PDE10A: variants seen among roughly 807,000 people sequenced by gnomAD.
PDE10A encodes the protein phosphodiesterase 10A, also known as cAMP and cAMP-inhibited cGMP 3',5'-cyclic phosphodiesterase 10A.
Under a neutral mutation model 97.7 loss-of-function variants are expected in PDE10A, and 39 were observed. The ratio of observed to expected loss-of-function variants is 0.40; its 90% CI spans 0.31 to 0.52. The LOEUF (loss-of-function observed/expected upper bound fraction) is 0.52, where lower values mean the gene tolerates loss of function less well. PDE10A is among the 20% of genes least tolerant of loss of function. PDE10A has a pLI of 0.56. For missense variants in PDE10A, 731 were observed against 1,047.8 expected (o/e 0.70, Z 4.17); for synonymous variants, 371 against 376.8 (o/e 0.98, Z 0.18).
At chr6:165,767,196 AAG>A (rs1430858247) in intron 1 of PDE10A, among the ~76,000 whole-genome samples, 2 of 152,182 alleles carry the variant, frequency 1.3e-5, no homozygotes, top group Non-Finnish European at 2.9e-5. Flanking sequence ...CACCGAAAAA[AAG>A]TGCTTATTGT....
chr6:165,450,270 G>C lies in PDE10A; in HGVS notation c.1116C>G (p.Leu372=). The change falls in exon 4 of 22, where the codon CTC becomes CTG. Residue 372 remains leucine (L), a synonymous_variant. Transcript: ENST00000539869. ...TTTTAATGATGCTGCTCAGTTCATA[G>C]AGGAGTAGCTGGTTGTCTCCTCCTG... ...LDTGGDNQLL[L]YELSSIIKIA... 6.2e-7 allele frequency: 1 copy of C among 1,606,124 alleles called. No homozygotes were observed. Among genetic ancestry groups the C allele is most frequent in the Non-Finnish European group, 8.5e-7 (1 of 1,174,968 alleles).
At chr6:165,543,983 CAG>C (rs1216097108) in intron 1 of PDE10A, among the ~76,000 whole-genome samples, 2 of 152,002 alleles carry the variant, frequency 1.3e-5, no homozygotes, top group African/African-American at 4.8e-5. Context: ...CAATAAATTT[CAG>C]AGTTACATAT....
At chr6:165,534,240 G>C (rs1782946640) in intron 2 of PDE10A, among the ~76,000 whole-genome samples, 1 of 150,588 alleles carries the variant, frequency 6.6e-6, no homozygotes, top group African/African-American at 2.4e-5. Context: ...GACTGTACCA[G>C]GAAGAAATAG....
intron 18 of PDE10A, among the ~76,000 whole-genome samples, chr6:165,358,052 G>A (rs909105569): frequency 5.3e-5 from 8 of 152,170 alleles, no homozygotes; most frequent in Admixed American, 1.3e-4. Flanking sequence ...CGGACTTCCC[G>A]TGGAGTGTCT....
chr6:165,819,583 C>T lies in PDE10A; in HGVS notation c.-615+167946G>A, dbSNP rs1457660250. ...TCAGGCCTCATCCACTGCCGCGACC[C>T]CCACCCCGAGTTGCCGGACACAGTC... On this transcript the variant is annotated intron_variant, in intron 1 of 19. Transcript: ENST00000366882. The surrounding 1 kb of genome is among the most constrained non-coding windows in gnomAD (Gnocchi z 4.2). Among the ~76,000 whole-genome samples the T allele has an allele frequency of 1.3e-5, 2 of 152,164 alleles. No homozygotes were observed. Among genetic ancestry groups the T allele is most frequent in the Non-Finnish European group, 2.9e-5 (2 of 68,026 alleles).
chr6:165,689,868 T>C (rs1416069543), intron 1 of PDE10A, among the ~76,000 whole-genome samples: 1 of 152,186 alleles, frequency 6.6e-6, no homozygotes, highest in African/African-American at 2.4e-5. Context: ...TCAGAGAATG[T>C]TCATACCCTG....
chr6:165,824,656 A>G (rs1419320042), intron 1 of PDE10A, among the ~76,000 whole-genome samples: 1 of 152,222 alleles, frequency 6.6e-6, no homozygotes. Flanking sequence ...CTTTGTTAAC[A>G]TGGCAGCATC....
At chr6:165,510,315 C>T (rs1211490166) in intron 2 of PDE10A, among the ~76,000 whole-genome samples, 1 of 151,834 alleles carries the variant, frequency 6.6e-6, no homozygotes, top group African/African-American at 2.4e-5. Flanking sequence ...CTTCATTCAA[C>T]TGATGTATCA....
At chr6:165,667,487 T>C (rs1790526420), upstream of PDE10A, among the ~76,000 whole-genome samples, 2 of 152,186 alleles carry the variant, frequency 1.3e-5, no homozygotes, top group African/African-American at 2.4e-5. Context: ...AGAATAGTTT[T>C]TAATTTTTAA....
chr6:165,958,501 GAA>G (rs1784216219), intron 1 of PDE10A, among the ~76,000 whole-genome samples: 2 of 5,538 alleles, frequency 3.6e-4, no homozygotes, highest in African/African-American at 1.8e-3. Flanking sequence ...AGAAAGACAA[GAA>G]AGAAAGAAAG....
In PDE10A at chr6:165,711,559, C is replaced by T. The variant is rs1253267664; in HGVS notation, c.-614-167991G>A. ...ATTTTAGTTCAGTTAGTTCAGCCTG[C>T]GCTTTCTAGATCCTCCAGCCAGGCC... On this transcript the variant is annotated intron_variant, in intron 1 of 19. Transcript: ENST00000366882. This position sits in a 1 kb window ranked among gnomAD's most constrained non-coding sequence, Gnocchi z 4.5. 1.3e-5 allele frequency among the ~76,000 whole-genome samples: 2 copies of T among 152,116 alleles called. No individual in the cohort carries two copies. Among genetic ancestry groups the T allele is most frequent in the Admixed American group, 1.3e-4 (2 of 15,282 alleles).
chr6:165,643,639 T>C (rs1480695397), intron 1 of PDE10A, among the ~76,000 whole-genome samples: 1 of 152,192 alleles, frequency 6.6e-6, no homozygotes, highest in African/African-American at 2.4e-5. Flanking sequence ...TTGGAACTTT[T>C]AAAAGAATTC....
At chr6:165,877,104 T>A (rs1781363451) in intron 1 of PDE10A, among the ~76,000 whole-genome samples, 1 of 152,360 alleles carries the variant, frequency 6.6e-6, no homozygotes, top group East Asian at 1.9e-4. Flanking sequence ...ATTACTTTTG[T>A]TTCTTCCTGA....
At chr6:165,656,340 A>C (rs1789965781) in intron 1 of PDE10A, among the ~76,000 whole-genome samples, 2 of 149,852 alleles carry the variant, frequency 1.3e-5, no homozygotes, top group East Asian at 2.0e-4. Flanking sequence ...CTCCTGCCTT[A>C]TCCAACCAGC....
At chr6:165,755,930 C>T (rs1313939584) in intron 1 of PDE10A, among the ~76,000 whole-genome samples, 2 of 152,180 alleles carry the variant, frequency 1.3e-5, no homozygotes, top group Non-Finnish European at 2.9e-5. Context: ...TTCCTCCCTC[C>T]TGGAAGGCCG....
chr6:165,683,086 C>A (rs1003461303), intron 1 of PDE10A, among the ~76,000 whole-genome samples: 1 of 152,172 alleles, frequency 6.6e-6, no homozygotes, highest in Non-Finnish European at 1.5e-5. Context: ...GCACATGGTG[C>A]GTACTCACAA....
At chr6:165,485,737 C>T (rs1039352907) in intron 2 of PDE10A, among the ~76,000 whole-genome samples, 5 of 151,752 alleles carry the variant, frequency 3.3e-5, no homozygotes, top group South Asian at 2.1e-4. Flanking sequence ...GGACTGCAGG[C>T]GCCCGCCACC....
chr6:165,967,569 C>T (rs571720693), intron 1 of PDE10A, among the ~76,000 whole-genome samples: 10 of 152,068 alleles, frequency 6.6e-5, no homozygotes, highest in Admixed American at 2.6e-4. Context: ...CTTAAACAAT[C>T]GAAAATCATT....
At chr6:165,616,999 T>C (rs539566234) in intron 1 of PDE10A, among the ~76,000 whole-genome samples, 2 of 152,352 alleles carry the variant, frequency 1.3e-5, no homozygotes, top group East Asian at 3.9e-4. Flanking sequence ...ATCAAAGCTA[T>C]GGGAAAACCT....
Sources: gnomAD v4.1 joint callset for allele counts (sites outside exome capture counted in the v4.1 genomes callset) on GRCh38, gnomAD v4.1.1 for gene constraint, Gnocchi (gnomAD v3.1) non-coding constraint, MANE v1.5 for transcripts, NCBI Gene and HGNC (gene_info 2026-07-23, HGNC 2026-07-21) for gene names.